The following ARHGAP26 variants were observed in gnomAD, a reference collection of about 807,000 sequenced individuals.
ARHGAP26 encodes Rho GTPase activating protein 26.
A neutral mutation model predicts 104.8 loss-of-function variants in ARHGAP26; 38 were observed. The observed-to-expected ratio is 0.36, with a 90% CI of 0.28 to 0.48. The LOEUF (loss-of-function observed/expected upper bound fraction) is 0.48, where lower values mean the gene tolerates loss of function less well. ARHGAP26 is among the 20% of genes least tolerant of loss of function. ARHGAP26 has a pLI of 0.99. For missense variants in ARHGAP26, 704 were observed against 947.9 expected, an observed-to-expected ratio of 0.74 and a Z score of 3.38; for synonymous variants, 341 against 340.0, an observed-to-expected ratio of 1.00 and a Z score of -0.03.
chr5:142,903,692 G>T, intron 8 of ARHGAP26, 23 bp downstream of exon 8: 1 of 1,611,692 alleles, frequency 6.2e-7, no homozygotes, highest in South Asian at 1.1e-5. Context: ...ACTAGCAACA[G>T]CTTGGGATGT....
chr5:143,112,945 T>A (rs904319627), intron 17 of ARHGAP26, among the ~76,000 whole-genome samples: 1 of 152,246 alleles, frequency 6.6e-6, no homozygotes, highest in African/African-American at 2.4e-5. Context: ...TTCTTTGAGA[T>A]CCCATTTTCA....
chr5:142,974,550 C>T (rs1361943962), intron 11 of ARHGAP26, among the ~76,000 whole-genome samples: 2 of 152,126 alleles, frequency 1.3e-5, no homozygotes, highest in Non-Finnish European at 2.9e-5. Context: ...GAAATGTTTA[C>T]AACGTGTTTT....
intron 1 of ARHGAP26, among the ~76,000 whole-genome samples, chr5:142,778,982 GGAAA>G (rs1756933087): frequency 6.6e-6 from 1 of 152,050 alleles, no homozygotes; most frequent in Admixed American, 6.6e-5. Flanking sequence ...TGTGTGCCAG[GGAAA>G]GAGAGATGAC....
chr5:142,870,405 T>C (rs926502771), intron 1 of ARHGAP26, among the ~76,000 whole-genome samples: 7 of 152,206 alleles, frequency 4.6e-5, no homozygotes, highest in African/African-American at 1.4e-4. Context: ...TTTCAATCTC[T>C]CAAGTAACAT....
intron 18 of ARHGAP26, among the ~76,000 whole-genome samples, chr5:143,123,059 T>C (rs555743362): frequency 6.6e-6 from 1 of 152,240 alleles, no homozygotes; most frequent in Non-Finnish European, 1.5e-5. Context: ...TAGGCACTAG[T>C]ACATTGGTTT....
intron 17 of ARHGAP26, among the ~76,000 whole-genome samples, chr5:143,062,077 A>T (rs1169541671): frequency 6.6e-6 from 1 of 152,238 alleles, no homozygotes; most frequent in Non-Finnish European, 1.5e-5. Flanking sequence ...CACGGTGTCT[A>T]CAGCAAGTAG....
chr5:142,853,198 T>A (rs908746237), intron 1 of ARHGAP26, among the ~76,000 whole-genome samples: 4 of 152,276 alleles, frequency 2.6e-5, no homozygotes, highest in Admixed American at 6.5e-5. Context: ...TTATTATTAT[T>A]TTTTGAGACA....
chr5:143,144,595 T>TG (rs1028942557), intron 19 of ARHGAP26, among the ~76,000 whole-genome samples: 1 of 152,044 alleles, frequency 6.6e-6, no homozygotes, highest in Non-Finnish European at 1.5e-5. Flanking sequence ...TTTGTAGAGA[T>TG]GGGGGTCTCA....
At position 143,054,404 on chromosome 5, in the gene ARHGAP26, G is replaced by A. The variant is rs145016370; in HGVS notation, c.1286-35G>A. On this transcript the variant is annotated intron_variant, in intron 14 of 22. Coordinates refer to ENST00000645722, the MANE Select transcript of ARHGAP26 (RefSeq NM_001135608.3). ...TGCTTATTTATTAGTTCCATTTTAT[G>A]CTGTGCTTTATGTATTGTCTTTTCT... 7.8e-3 allele frequency: 11,487 copies of A among 1,479,614 alleles called. 79 individuals carry two copies. Among genetic ancestry groups the A allele is most frequent in the South Asian group, 0.012 (998 of 82,692 alleles). The allele number at this position is 1,479,614 out of a possible 1,614,324, so 91.7% of individuals were successfully genotyped here. A position where few individuals can be genotyped will look rare whatever the true frequency, so the allele number is the denominator to read the frequency against.
At chr5:143,106,998 CTGTT>C (rs1794118857) in intron 17 of ARHGAP26, among the ~76,000 whole-genome samples, 3 of 152,206 alleles carry the variant, frequency 2.0e-5, no homozygotes, top group Non-Finnish European at 4.4e-5. Flanking sequence ...TCATATACCT[CTGTT>C]TGATTTCTTC....
chr5:142,980,982 G>T (rs1260883510), intron 11 of ARHGAP26, among the ~76,000 whole-genome samples: 3 of 152,240 alleles, frequency 2.0e-5, no homozygotes, highest in African/African-American at 7.2e-5. Context: ...GTCACACTTG[G>T]TGTTTATTTT....
At chr5:143,104,480 C>T (rs763277142) in intron 17 of ARHGAP26, among the ~76,000 whole-genome samples, 3 of 152,158 alleles carry the variant, frequency 2.0e-5, no homozygotes, top group Non-Finnish European at 4.4e-5. Context: ...CACTGCACTC[C>T]AGTCTGGGCG....
chr5:142,959,495 G>A (rs1434065119), intron 11 of ARHGAP26, among the ~76,000 whole-genome samples: 1 of 152,142 alleles, frequency 6.6e-6, no homozygotes, highest in Non-Finnish European at 1.5e-5. Context: ...GTTTCTTGTG[G>A]TTGTAGGACT....
At chr5:143,020,005 A>AC (rs1242652432) in intron 12 of ARHGAP26, among the ~76,000 whole-genome samples, 3 of 152,210 alleles carry the variant, frequency 2.0e-5, no homozygotes, top group Non-Finnish European at 4.4e-5. Flanking sequence ...CTGGCTTAAC[A>AC]CTGGCCATCT....
At chr5:142,831,542 A>G (rs929534936) in intron 1 of ARHGAP26, among the ~76,000 whole-genome samples, 1 of 152,000 alleles carries the variant, frequency 6.6e-6, no homozygotes, top group Non-Finnish European at 1.5e-5. Context: ...CTGCATGCCT[A>G]ATTACCTCTG....
chr5:142,886,236 T>C (rs1757682614), intron 5 of ARHGAP26, among the ~76,000 whole-genome samples: 2 of 152,344 alleles, frequency 1.3e-5, no homozygotes, highest in South Asian at 2.1e-4. Context: ...CGGCCCTTTT[T>C]TTAAAATTTT....
intron 12 of ARHGAP26, among the ~76,000 whole-genome samples, chr5:143,022,683 C>G (rs774703945): frequency 5.9e-5 from 9 of 152,174 alleles, no homozygotes; most frequent in Non-Finnish European, 1.3e-4. Context: ...ATGAAAGTGT[C>G]ACACGATGGG....
chr5:142,854,263 A>G (rs1751991304), intron 1 of ARHGAP26, among the ~76,000 whole-genome samples: 1 of 152,206 alleles, frequency 6.6e-6, no homozygotes, highest in Non-Finnish European at 1.5e-5. Flanking sequence ...TTTGCCTTGA[A>G]TATGGCTCCC....
chr5:142,894,699 C>G (rs1759221625), intron 6 of ARHGAP26, among the ~76,000 whole-genome samples: 1 of 152,246 alleles, frequency 6.6e-6, no homozygotes, highest in African/African-American at 2.4e-5. Context: ...CTTCCCTCCT[C>G]TCTCCTACCC....
Sources: gnomAD v4.1 joint callset for allele counts (sites outside exome capture counted in the v4.1 genomes callset) on GRCh38, gnomAD v4.1.1 for gene constraint, MANE v1.5 for transcripts, NCBI Gene and HGNC (gene_info 2026-07-23, HGNC 2026-07-21) for gene names.